Variants in FRAS1 observed in about 807,000 individuals in gnomAD.
FRAS1 encodes the protein extracellular matrix organizing protein FRAS1.
In FRAS1, 290 loss-of-function variants were observed where a neutral mutation model predicts 435.2. The ratio of observed to expected loss-of-function variants is 0.67; its 90% CI spans 0.61 to 0.73. The LOEUF is 0.73. Ranked by LOEUF, FRAS1 falls within the 30% of genes least tolerant of loss-of-function variation. The probability of loss-of-function intolerance (pLI) is 0.00; values close to 1 mark genes in which losing one functional copy is unlikely to be tolerated. For synonymous variants in FRAS1, 1,800 were observed against 1,851.0 expected (o/e 0.97, Z 0.71); for missense variants, 4,860 against 5,001.5 (o/e 0.97, Z 0.85).
At chr4:78,322,426 C>T (rs191748766) in intron 18 of FRAS1, among the ~76,000 whole-genome samples, 2 of 152,248 alleles carry the variant, frequency 1.3e-5, no homozygotes, top group African/African-American at 4.8e-5. Context: ...TTGAGGGTTT[C>T]TTTTATAGCA....
chr4:78,439,077 C>T lies in FRAS1; in HGVS notation c.5529+13C>T, dbSNP rs765341375. On this transcript the variant is annotated intron_variant, in intron 40 of 73. Coordinates refer to ENST00000512123, the MANE Select transcript of FRAS1 (RefSeq NM_025074.7). ...TGACCTTATCACGGTAAACAATTCT[C>T]AGATCAATAAACAGTGAGTACTATA... 1.2e-6 allele frequency: 2 copies of T among 1,607,196 alleles called. No homozygotes were observed. Among genetic ancestry groups the T allele is most frequent in the Non-Finnish European group, 1.7e-6 (2 of 1,175,162 alleles).
chr4:78,174,782 G>T (rs926232353), intron 2 of FRAS1, among the ~76,000 whole-genome samples: 2 of 152,182 alleles, frequency 1.3e-5, no homozygotes, highest in African/African-American at 4.8e-5. Context: ...GAAGTCTTAG[G>T]CAACAGAACA....
chr4:78,515,623 C>T lies in FRAS1; in HGVS notation c.10175-176C>T, dbSNP rs111430709. On this transcript the variant is annotated intron_variant, in intron 65 of 73. Transcript: ENST00000512123. The stretch of plus-strand genomic sequence containing the variant: ...ACACCTGGCAACAGCAGTTAGCAAG[C>T]GCTTTCCAAGATCCCTCACATTCTC... Among the ~76,000 whole-genome samples the T allele has an allele frequency of 3.6e-3, 549 of 152,246 alleles. 1 individual carries two copies. The highest frequency in any genetic ancestry group is 0.012 in the African/African-American group (494 of 41,550).
intron 22 of FRAS1, among the ~76,000 whole-genome samples, chr4:78,365,742 A>AAC (rs1731239631): frequency 9.5e-6 from 1 of 104,848 alleles, no homozygotes. Flanking sequence ...TACATTAAAA[A>AAC]AAAAAAAACA....
At chr4:78,135,559 C>T (rs1317018) in intron 2 of FRAS1, among the ~76,000 whole-genome samples, 24,577 of 152,200 alleles carry the variant, frequency 0.16, 2,194 homozygotes, top group Admixed American at 0.2. Flanking sequence ...AGGAGACACT[C>T]ACATTCCTAA....
chr4:78,428,899 C>T (rs1734100528), intron 35 of FRAS1, among the ~76,000 whole-genome samples, 196 bp from the exon 36 acceptor site: 1 of 152,078 alleles, frequency 6.6e-6, no homozygotes, highest in African/African-American at 2.4e-5. Flanking sequence ...AAGAATAGCT[C>T]ACAGTATCTT....
At chr4:78,435,236 A>G (rs753724968) in intron 38 of FRAS1, among the ~76,000 whole-genome samples, 2 of 152,196 alleles carry the variant, frequency 1.3e-5, no homozygotes, top group Non-Finnish European at 2.9e-5. Context: ...CACTTGCTCC[A>G]GGGTGGATGA....
At chr4:78,082,829 G>A (rs564197993) in intron 2 of FRAS1, among the ~76,000 whole-genome samples, 3 of 152,068 alleles carry the variant, frequency 2.0e-5, no homozygotes, top group Non-Finnish European at 4.4e-5. Context: ...TTGTTTAAAA[G>A]CAAAAATTAG....
At chr4:78,128,399 T>A (rs1280709621) in intron 2 of FRAS1, among the ~76,000 whole-genome samples, 6 of 152,216 alleles carry the variant, frequency 3.9e-5, no homozygotes, top group Non-Finnish European at 7.3e-5. Flanking sequence ...TTTCTCCACA[T>A]CCTCTCCAGC....
At chr4:78,532,642 T>G (rs561189429) in intron 70 of FRAS1, among the ~76,000 whole-genome samples, 2 of 152,324 alleles carry the variant, frequency 1.3e-5, no homozygotes, top group South Asian at 4.1e-4. Flanking sequence ...TGGTAACCAC[T>G]GTTCTCTTTG....
At chr4:78,344,029 TC>T (rs1560669933) in intron 20 of FRAS1, among the ~76,000 whole-genome samples, 40 of 127,766 alleles carry the variant, frequency 3.1e-4, no homozygotes, top group Non-Finnish European at 1.5e-4. Flanking sequence ...TACCCATCCA[TC>T]CCTCAATGCC....
chr4:78,177,861 G>A (rs1035572977), intron 2 of FRAS1, among the ~76,000 whole-genome samples: 4 of 152,092 alleles, frequency 2.6e-5, no homozygotes, highest in African/African-American at 9.7e-5. Context: ...CTCAGTTTCT[G>A]TGTCAGTACA....
At chr4:78,248,580 T>C (rs1009904102) in intron 4 of FRAS1, among the ~76,000 whole-genome samples, 4 of 152,154 alleles carry the variant, frequency 2.6e-5, no homozygotes. Context: ...TTTATGTGTA[T>C]GAGGCAAGAA....
At chr4:78,211,643 T>C (rs1347636418) in intron 2 of FRAS1, among the ~76,000 whole-genome samples, 2 of 152,180 alleles carry the variant, frequency 1.3e-5, no homozygotes, top group Admixed American at 6.5e-5. Flanking sequence ...TTCCTTGGAC[T>C]TGAGCTCAAG....
intron 43 of FRAS1, among the ~76,000 whole-genome samples, chr4:78,447,433 C>T (rs963126190): frequency 1.3e-5 from 2 of 151,590 alleles, no homozygotes; most frequent in African/African-American, 4.9e-5. Context: ...CTCAATTCAT[C>T]GTAATGCTCA....
chr4:78,088,578 C>A (rs146444092), intron 2 of FRAS1, among the ~76,000 whole-genome samples: 7,922 of 151,966 alleles, frequency 0.052, 273 homozygotes, highest in Admixed American at 0.083. Flanking sequence ...AAACAAATTT[C>A]CAAGAAAAAA....
chr4:78,393,944 A>G (rs1362544740), intron 29 of FRAS1, among the ~76,000 whole-genome samples: 1 of 151,868 alleles, frequency 6.6e-6, no homozygotes, highest in East Asian at 1.9e-4. Context: ...AGTGTGAGGT[A>G]GTTTTGCTTT....
At chr4:78,284,377 T>G in intron 12 of FRAS1, 28 bp from the exon 13 acceptor site, 1 of 1,612,270 alleles carries the variant, frequency 6.2e-7, no homozygotes. Flanking sequence ...GTTCACAGAG[T>G]TCTCCCCTTC....
chr4:78,297,935 T>C lies in FRAS1; in HGVS notation c.1535-10131T>C, dbSNP rs74450276. On this transcript the variant is annotated intron_variant, in intron 14 of 73. Coordinates refer to ENST00000512123, the MANE Select transcript of FRAS1 (RefSeq NM_025074.7). ...GTGGGATTTTTGCTAAATCAGTAGA[T>C]TATAGCTGTTCTTGCCACTCAAGGG... Among the ~76,000 whole-genome samples, 338 of 151,224 alleles carry C rather than the reference T, an allele frequency of 2.2e-3. 3 individuals carry two copies. Among genetic ancestry groups the C allele is most frequent in the Non-Finnish European group, 3.6e-3 (246 of 67,840 alleles).
Sources: gnomAD v4.1 joint callset for allele counts (sites outside exome capture counted in the v4.1 genomes callset) on GRCh38, gnomAD v4.1.1 for gene constraint, MANE v1.5 for transcripts, NCBI Gene and HGNC (gene_info 2026-07-23, HGNC 2026-07-21) for gene names.